The following PPFIA2 variants were observed in gnomAD, a reference collection of about 807,000 sequenced individuals.
The protein encoded by PPFIA2 is liprin-alpha-2.
PPFIA2 carries 46 observed loss-of-function variants against 175.5 expected under a neutral mutation model. That is an observed-to-expected ratio of 0.26 (90% CI 0.21 to 0.34). The LOEUF is 0.34. PPFIA2 is among the 10% of genes least tolerant of loss of function. The pLI is 1.00. For synonymous variants in PPFIA2, 568 were observed against 511.4 expected (o/e 1.11, Z -1.49); for missense variants, 1,179 against 1,506.1 (o/e 0.78, Z 3.60).
At chr12:81,500,677 G>T (rs2060499399) in intron 4 of PPFIA2, among the ~76,000 whole-genome samples, 1 of 152,068 alleles carries the variant, frequency 6.6e-6, no homozygotes. Context: ...TGTTATTTGG[G>T]TATTAGAGTA....
intron 28 of PPFIA2, among the ~76,000 whole-genome samples, chr12:81,269,499 T>C (rs1480235205): frequency 6.6e-6 from 1 of 152,192 alleles, no homozygotes; most frequent in Non-Finnish European, 1.5e-5. Flanking sequence ...TTTTGATGAG[T>C]CTTTGAAAAT....
intron 4 of PPFIA2, among the ~76,000 whole-genome samples, chr12:81,570,965 G>C (rs1203308175): frequency 6.6e-6 from 1 of 151,468 alleles, no homozygotes; most frequent in Non-Finnish European, 1.5e-5. Flanking sequence ...CATTTATATG[G>C]TCATATTTAA....
intron 4 of PPFIA2, among the ~76,000 whole-genome samples, chr12:81,591,376 A>T (rs112641833): frequency 0.04 from 6,162 of 152,286 alleles, 202 homozygotes; most frequent in Middle Eastern, 0.065. Context: ...AGAAAAGAAA[A>T]ACCCATTTTC....
chr12:81,509,852 T>G (rs1482546476), intron 4 of PPFIA2, among the ~76,000 whole-genome samples: 2 of 152,200 alleles, frequency 1.3e-5, no homozygotes, highest in Non-Finnish European at 1.5e-5. Flanking sequence ...TGGTGAGAAC[T>G]CAACCTTGCC....
intron 4 of PPFIA2, among the ~76,000 whole-genome samples, chr12:81,555,790 C>T (rs1341661299): frequency 6.6e-6 from 1 of 151,882 alleles, no homozygotes; most frequent in Non-Finnish European, 1.5e-5. Flanking sequence ...TCCCACAACT[C>T]ATGTCTGCAG....
At chr12:81,497,561 C>A (rs1201276087) in intron 4 of PPFIA2, among the ~76,000 whole-genome samples, 1 of 75,856 alleles carries the variant, frequency 1.3e-5, no homozygotes, top group African/African-American at 5.3e-5. Flanking sequence ...TTTTTTGGGG[C>A]AGAGTTTTGC....
intron 4 of PPFIA2, among the ~76,000 whole-genome samples, chr12:81,596,112 A>T (rs17008744): frequency 0.028 from 4,189 of 152,202 alleles, 70 homozygotes; most frequent in East Asian, 0.078. Flanking sequence ...ATGCTGCCTC[A>T]ATATGGGTTA....
intron 4 of PPFIA2, among the ~76,000 whole-genome samples, chr12:81,528,518 C>A (rs1432276197): frequency 2.6e-5 from 4 of 152,162 alleles, no homozygotes; most frequent in Middle Eastern, 3.4e-3. Flanking sequence ...TTCCTGACAA[C>A]AGAATTGGCT....
At chr12:81,701,947 A>G (rs912856182) in intron 3 of PPFIA2, among the ~76,000 whole-genome samples, 1 of 151,544 alleles carries the variant, frequency 6.6e-6, no homozygotes, top group Non-Finnish European at 1.5e-5. Flanking sequence ...GTAAGAAGAA[A>G]GTGGCTGCAA....
At chr12:81,351,919 C>G (rs912669611) in intron 17 of PPFIA2, among the ~76,000 whole-genome samples, 1 of 151,628 alleles carries the variant, frequency 6.6e-6, no homozygotes, top group Non-Finnish European at 1.5e-5. Flanking sequence ...AAAAAAAAAT[C>G]TGAATTTTCA....
intron 8 of PPFIA2, among the ~76,000 whole-genome samples, chr12:81,385,896 A>C (rs2038831419): frequency 6.6e-6 from 1 of 152,146 alleles, no homozygotes; most frequent in Non-Finnish European, 1.5e-5. Context: ...TGGATATATT[A>C]ACTTGATTGA....
At chr12:81,755,630 C>A (rs2084523503) in intron 2 of PPFIA2, among the ~76,000 whole-genome samples, 1 of 151,882 alleles carries the variant, frequency 6.6e-6, no homozygotes, top group Admixed American at 6.6e-5. Context: ...GTCAGGGACT[C>A]CTGAAAACTA....
At chr12:81,547,465 T>C (rs2067179694) in intron 4 of PPFIA2, among the ~76,000 whole-genome samples, 1 of 152,020 alleles carries the variant, frequency 6.6e-6, no homozygotes, top group African/African-American at 2.4e-5. Context: ...AACCTCTGCC[T>C]CCCTGGTTCA....
chr12:81,689,834 C>A (rs1212275699), intron 3 of PPFIA2, among the ~76,000 whole-genome samples: 1 of 152,050 alleles, frequency 6.6e-6, no homozygotes, highest in East Asian at 1.9e-4. Flanking sequence ...TTCAAATGAG[C>A]CACACCACCA....
chr12:81,351,381 C>T (rs186939576), intron 17 of PPFIA2, among the ~76,000 whole-genome samples: 67 of 143,386 alleles, frequency 4.7e-4, no homozygotes, highest in Middle Eastern at 3.4e-3. Flanking sequence ...AGAAAATGTT[C>T]GCACATATGT....
At chr12:81,453,854 C>T (rs911145322) in intron 5 of PPFIA2, among the ~76,000 whole-genome samples, 7 of 152,020 alleles carry the variant, frequency 4.6e-5, no homozygotes, top group Non-Finnish European at 1.0e-4. Flanking sequence ...TCAGCTTTGA[C>T]CTCAGAATAA....
chr12:81,349,343 T>C (rs940835723), intron 17 of PPFIA2, among the ~76,000 whole-genome samples: 1 of 152,202 alleles, frequency 6.6e-6, no homozygotes, highest in African/African-American at 2.4e-5. Context: ...TTCACAAAGG[T>C]TCATTTTGGT....
chr12:81,641,896 T>C (rs1047592054), intron 4 of PPFIA2, among the ~76,000 whole-genome samples: 1 of 152,218 alleles, frequency 6.6e-6, no homozygotes, highest in Non-Finnish European at 1.5e-5. Context: ...AACTCTGCTC[T>C]AGTCAAACTG....
At chr12:81,681,597 G>A (rs1189017562) in intron 3 of PPFIA2, among the ~76,000 whole-genome samples, 2 of 151,838 alleles carry the variant, frequency 1.3e-5, no homozygotes, top group Admixed American at 6.6e-5. Context: ...TCAAGAATTG[G>A]CATATTTTTC....
Sources: gnomAD v4.1 joint callset for allele counts (sites outside exome capture counted in the v4.1 genomes callset) on GRCh38, gnomAD v4.1.1 for gene constraint, MANE v1.5 for transcripts, NCBI Gene and HGNC (gene_info 2026-07-23, HGNC 2026-07-21) for gene names.